SYNE1: variants seen among roughly 807,000 people sequenced by gnomAD.
SYNE1 encodes the protein nesprin-1.
In SYNE1, 616 loss-of-function variants were observed where a neutral mutation model predicts 1,111.0. The ratio of observed to expected loss-of-function variants is 0.55; its 90% CI spans 0.52 to 0.59. SYNE1 has a LOEUF of 0.59. Among genes scored for constraint, SYNE1 ranks in the 20% least tolerant of loss-of-function variants. SYNE1 has a pLI of 0.00. For synonymous variants in SYNE1, 3,855 were observed against 3,825.8 expected (o/e 1.01, Z -0.28); for missense variants, 10,006 against 10,417.0 (o/e 0.96, Z 1.72).
chr6:152,280,274 A>G (rs1199383964), intron 97 of SYNE1, among the ~76,000 whole-genome samples: 1 of 152,230 alleles, frequency 6.6e-6, no homozygotes, highest in Non-Finnish European at 1.5e-5. Context: ...TAGTAATTTA[A>G]TATTAGATTT....
rs1421488479 is a variant in SYNE1 at position 152,401,301 on chromosome 6, T to G, written c.6866A>C (p.Lys2289Thr). The change falls in exon 47 of 146, where the codon AAA becomes ACA. Residue 2289 changes from lysine (K) to threonine (T), a missense_variant. Physicochemically the swap from Lys to Thr is moderately conservative, Grantham distance 78. Around this residue, in one of 7 missense-constraint regions of SYNE1, gnomAD observed 4,955 missense variants for 5,017.2 expected, o/e 0.99. Coordinates refer to ENST00000367255, the MANE Select transcript of SYNE1 (RefSeq NM_182961.4). ...TCCTTTTGCTACTTCAGTTATTTCT[T>G]TGGCATGCTCCAGTTTCTGCATTAA... ...ADLMQKLEHA[K>T]EITEVAKGTL... 1.9e-6 allele frequency: 3 copies of G among 1,614,046 alleles called. No individual in the cohort carries two copies. The highest frequency in any genetic ancestry group is 2.5e-6 in the Non-Finnish European group (3 of 1,180,022).
intron 30 of SYNE1, among the ~76,000 whole-genome samples, chr6:152,443,515 C>T (rs754055265): frequency 5.3e-5 from 8 of 152,182 alleles, no homozygotes; most frequent in Non-Finnish European, 1.2e-4. Flanking sequence ...GCGCCCGCCT[C>T]GGCCTCCCAA....
At chr6:152,511,715 G>T in intron 6 of SYNE1, 2 of 984,416 alleles carry the variant, frequency 2.0e-6, no homozygotes, top group Non-Finnish European at 3.1e-6. Flanking sequence ...GTGGTAATAC[G>T]TTTTAAAGAA....
At chr6:152,348,936 G>A (rs2096691280) in intron 72 of SYNE1, among the ~76,000 whole-genome samples, 1 of 152,014 alleles carries the variant, frequency 6.6e-6, no homozygotes, top group Non-Finnish European at 1.5e-5. Context: ...TCTCTGAGTT[G>A]GAACAGAACC....
rs147903115 is a variant in SYNE1 at position 152,305,222 on chromosome 6, G to A, written c.17347-3159C>T. On this transcript the variant is annotated intron_variant, in intron 91 of 145. Transcript: ENST00000367255. ...TATCCTCTCCTATGATTTAAAAGTG[G>A]CAGGATGATTTTTTTCAAATTAAAT... 8.7e-3 allele frequency among the ~76,000 whole-genome samples: 1,327 copies of A among 152,202 alleles called. 15 individuals are homozygous for A. Among genetic ancestry groups the A allele is most frequent in the African/African-American group, 0.031 (1,272 of 41,510 alleles).
intron 14 of SYNE1, among the ~76,000 whole-genome samples, chr6:152,475,589 A>G (rs1363993877): frequency 6.6e-6 from 1 of 152,202 alleles, no homozygotes; most frequent in East Asian, 1.9e-4. Context: ...TAAACTTTCA[A>G]CTTACTAGAA....
rs761684683 is a variant in SYNE1 at position 152,362,165 on chromosome 6, C to T, written c.10299+5G>A. The stretch of plus-strand genomic sequence containing the variant: ...AACACATGGAATCTGAAATCCAGCT[C>T]TCACCTTGGCTTTTCCGAGCATCGT... On this transcript the variant is annotated splice_donor_5th_base_variant and intron_variant, in intron 64 of 145. Coordinates refer to ENST00000367255, the MANE Select transcript of SYNE1 (RefSeq NM_182961.4). 1 of 1,614,214 alleles carries T rather than the reference C, an allele frequency of 6.2e-7. No homozygotes were observed. Among genetic ancestry groups the T allele is most frequent in the South Asian group, 1.1e-5 (1 of 91,082 alleles).
intron 104 of SYNE1, among the ~76,000 whole-genome samples, chr6:152,250,102 A>C (rs893675081): frequency 6.6e-6 from 1 of 151,920 alleles, no homozygotes; most frequent in Non-Finnish European, 1.5e-5. Flanking sequence ...TCTCTACAAA[A>C]AGTTTAAAAA....
chr6:152,553,750 T>A (rs550423093), intron 3 of SYNE1, among the ~76,000 whole-genome samples: 1 of 152,122 alleles, frequency 6.6e-6, no homozygotes, highest in African/African-American at 2.4e-5. Context: ...TATTATTATA[T>A]CATGTGTCAC....
chr6:152,536,034 T>C (rs975747792), intron 4 of SYNE1, among the ~76,000 whole-genome samples: 20 of 152,052 alleles, frequency 1.3e-4, no homozygotes, highest in Non-Finnish European at 1.0e-4. Context: ...TCTCTGCTTA[T>C]CCCAAAGTTA....
chr6:152,256,917 C>T, intron 101 of SYNE1, 152 bp from the exon 102 acceptor site: 1 of 1,246,222 alleles, frequency 8.0e-7, no homozygotes, highest in Non-Finnish European at 1.1e-6. Flanking sequence ...ACCATGTCCA[C>T]TGAACACAGT....
At chr6:152,550,381 A>T in intron 3 of SYNE1, among the ~76,000 whole-genome samples, 1 of 152,254 alleles carries the variant, frequency 6.6e-6, no homozygotes, top group African/African-American at 2.4e-5. Flanking sequence ...TCTATTTTTT[A>T]AAAAACAAAT....
At chr6:152,618,150 T>C (rs910548565) in intron 3 of SYNE1, among the ~76,000 whole-genome samples, 1 of 152,200 alleles carries the variant, frequency 6.6e-6, no homozygotes, top group Admixed American at 6.5e-5. Context: ...CCTACGTTTC[T>C]GGATGTATTG....
At chr6:152,139,745 G>GAAAGA (rs2058124811) in intron 140 of SYNE1, among the ~76,000 whole-genome samples, 1 of 141,848 alleles carries the variant, frequency 7.0e-6, no homozygotes, top group South Asian at 2.2e-4. Context: ...AAGAAAGAAA[G>GAAAGA]AAAGAAAAGA....
chr6:152,424,627 G>C (rs964413275), intron 39 of SYNE1, among the ~76,000 whole-genome samples: 3 of 152,012 alleles, frequency 2.0e-5, no homozygotes, highest in Non-Finnish European at 2.9e-5. Flanking sequence ...GTACTCAGCA[G>C]GCACCTGATA....
intron 3 of SYNE1, among the ~76,000 whole-genome samples, chr6:152,563,381 A>T (rs2128239537): frequency 6.6e-6 from 1 of 152,332 alleles, no homozygotes; most frequent in East Asian, 1.9e-4. Context: ...CCCCAGTGCC[A>T]GCGTGTCTAC....
chr6:152,590,374 T>C (rs933115340), intron 3 of SYNE1, among the ~76,000 whole-genome samples: 2 of 151,728 alleles, frequency 1.3e-5, no homozygotes, highest in African/African-American at 2.4e-5. Context: ...CATTTTTTTT[T>C]CTGGAATATT....
At chr6:152,267,441 C>T (rs181847945) in intron 100 of SYNE1, among the ~76,000 whole-genome samples, 2 of 152,288 alleles carry the variant, frequency 1.3e-5, no homozygotes, top group East Asian at 1.9e-4. Context: ...GGCTCACAGT[C>T]GAGTGACTTT....
chr6:152,429,086 G>GTAATAATAATAATAA (rs3046242), intron 36 of SYNE1, among the ~76,000 whole-genome samples: 106 of 144,686 alleles, frequency 7.3e-4, no homozygotes, highest in Admixed American at 3.6e-3. Context: ...TATCTCAATA[G>GTAATAATAATAATAA]TAATAATAAT....
Sources: allele counts gnomAD v4.1 joint callset (sites outside exome capture counted in the v4.1 genomes callset), GRCh38; gene constraint gnomAD v4.1.1; regional missense constraint gnomAD v4.1.1; transcripts MANE v1.5; gene names NCBI Gene and HGNC (gene_info 2026-07-23, HGNC 2026-07-21).